The following PNISR variants were observed in gnomAD, a reference collection of about 807,000 sequenced individuals.
PNISR encodes the protein arginine/serine-rich protein PNISR.
A neutral mutation model predicts 93.4 loss-of-function variants in PNISR; 20 were observed. That is an observed-to-expected ratio of 0.21 (90% confidence interval 0.15 to 0.31). The LOEUF (loss-of-function observed/expected upper bound fraction) is 0.31, where lower values mean the gene tolerates loss of function less well. Ranked by LOEUF, PNISR falls within the 10% of genes least tolerant of loss-of-function variation. PNISR has a pLI of 1.00. For synonymous variants in PNISR, 305 were observed against 306.5 expected (o/e 0.99, Z 0.05); for missense variants, 893 against 985.4 (o/e 0.91, Z 1.25).
chr6:99,419,170 A>AGGC, intron 1 of PNISR, among the ~76,000 whole-genome samples: 1 of 142,492 alleles, frequency 7.0e-6, no homozygotes, highest in South Asian at 2.3e-4. Flanking sequence ...AAAAAAAAAA[A>AGGC]AAAAAAAAAA....
At chr6:99,404,334 G>A in intron 9 of PNISR, 1 of 448,126 alleles carries the variant, frequency 2.2e-6, no homozygotes, top group Non-Finnish European at 4.1e-6. Flanking sequence ...AAAATCAGGT[G>A]AAATAAACTG....
chr6:99,416,183 C>T, intron 2 of PNISR, 166 bp downstream of exon 2: 1 of 386,584 alleles, frequency 2.6e-6, no homozygotes, highest in Admixed American at 4.5e-5. Context: ...TTCCTTCTTC[C>T]TCCCCTTTTT....
At chr6:99,418,472 A>G (rs1043345115) in intron 1 of PNISR, among the ~76,000 whole-genome samples, 1 of 151,152 alleles carries the variant, frequency 6.6e-6, no homozygotes, top group Non-Finnish European at 1.5e-5. Flanking sequence ...AAGTTTTCCT[A>G]TGAACAGAGG....
chr6:99,408,231 T>C lies in PNISR; in HGVS notation c.714A>G (p.Glu238=), dbSNP rs761045729. The stretch of plus-strand genomic sequence containing the variant: ...TTTCACGTTCCATTTTTTCAAGACC[T>C]TCGCGAATCCAAGCGGGAAGAGTCC... The part of the protein sequence containing the change: ...KRRTLPAWIR[E]GLEKMEREKQ... The change falls in exon 7 of 12, where the codon GAA becomes GAG. Residue 238 remains glutamate (E), a synonymous_variant. Transcript: ENST00000369239. 41 of 1,613,600 alleles carry C rather than the reference T, an allele frequency of 2.5e-5. No homozygotes were observed. Among genetic ancestry groups the C allele is most frequent in the Admixed American group, 2.2e-4 (13 of 59,922 alleles).
In PNISR at chr6:99,403,671, A is replaced by C. The variant is rs1775798881; in HGVS notation, c.1156+158T>G. ...CTCACTGTGAATGCGTTAGTCAAAA[A>C]AATAGGCAAACCTTTTTAGACAGGA... On this transcript the variant is annotated intron_variant, in intron 10 of 11. Transcript: ENST00000369239. The C allele has an allele frequency of 8.4e-6, 4 of 474,574 alleles. No individual in the cohort carries two copies. In the Admixed American group the frequency reaches 1.6e-4, roughly 18 times the overall value. 29.4% of individuals were successfully genotyped at this position (474,574 alleles called of 1,614,324 possible).
chr6:99,408,102 A>C lies in PNISR; in HGVS notation c.843T>G (p.Arg281=). Reference sequence around the variant, plus strand: ...TTACAAATTTACTTCTCTGAGGTAAACGAGGGCCATCCCCTCCTTCAGCAT... The same window carrying C: ...TTACAAATTTACTTCTCTGAGGTAACCGAGGGCCATCCCCTCCTTCAGCAT... The part of the protein sequence containing the change: ...TEDAEGGDGP[R]LPQRSKFDSD... The change falls in exon 7 of 12, where the codon CGT becomes CGG. Residue 281 remains arginine (R), a synonymous_variant. Coordinates refer to ENST00000369239, the MANE Select transcript of PNISR (RefSeq NM_032870.4). 1 of 1,603,196 alleles carries C rather than the reference A, an allele frequency of 6.2e-7. No homozygotes were observed. Among genetic ancestry groups the C allele is most frequent in the Non-Finnish European group, 8.5e-7 (1 of 1,176,652 alleles).
chr6:99,416,552 T>C (rs989932226), intron 1 of PNISR, 124 bp from the exon 2 acceptor site: 3 of 395,382 alleles, frequency 7.6e-6, no homozygotes, highest in African/African-American at 6.2e-5. Context: ...ATTAACTTTA[T>C]AATGGGGAAT....
chr6:99,413,076 T>C (rs1427569638), intron 3 of PNISR, among the ~76,000 whole-genome samples: 3 of 125,070 alleles, frequency 2.4e-5, no homozygotes, highest in African/African-American at 8.9e-5. Flanking sequence ...ACTGAATTTT[T>C]AAATGTCATC....
intron 1 of PNISR, among the ~76,000 whole-genome samples, chr6:99,422,695 G>A (rs1027890023): frequency 6.6e-6 from 1 of 151,980 alleles, no homozygotes; most frequent in Non-Finnish European, 1.5e-5. Context: ...CCAACATGGC[G>A]AAACCTCCAC....
chr6:99,421,004 C>CA, intron 1 of PNISR, among the ~76,000 whole-genome samples: 1 of 152,098 alleles, frequency 6.6e-6, no homozygotes, highest in East Asian at 1.9e-4. Flanking sequence ...AATGTTCAAC[C>CA]ATGAAAATGA....
intron 11 of PNISR, among the ~76,000 whole-genome samples, 175 bp from the exon 12 acceptor site, chr6:99,401,805 C>T (rs1416846270): frequency 6.6e-6 from 1 of 152,060 alleles, no homozygotes; most frequent in Admixed American, 6.5e-5. Flanking sequence ...TAAAAAGAAA[C>T]AGGTAAAATA....
intron 11 of PNISR, 96 bp downstream of exon 11, chr6:99,402,444 T>G: frequency 1.1e-6 from 1 of 914,852 alleles, no homozygotes; most frequent in Non-Finnish European, 1.6e-6. Flanking sequence ...ATTTATAATA[T>G]AGCCTTTATT....
At position 99,401,242 on chromosome 6, in the gene PNISR, C is replaced by A. The variant is rs755040225; in HGVS notation, c.1716G>T (p.Arg572Ser). Residue 572 changes from arginine to serine, a missense_variant, in exon 12 of 12, where the codon AGG (arginine) becomes AGT (serine). Physicochemically the swap from Arg to Ser is moderately radical, Grantham distance 110. Transcript: ENST00000369239. ...TAATTCTGCGAGAATAGCTTCTACT[C>A]CTGCTACGTCTAGCTTTGATTGTTG... Reference protein sequence around the residue: ...RSPTIKARRSRSRSYSRRIKI... With the variant: ...RSPTIKARRSSSRSYSRRIKI... The A allele has an allele frequency of 6.2e-7, 1 of 1,614,052 alleles. No homozygotes were observed. Among genetic ancestry groups the A allele is most frequent in the East Asian group, 2.2e-5 (1 of 44,886 alleles).
intron 3 of PNISR, among the ~76,000 whole-genome samples, chr6:99,413,322 C>T (rs1777208039): frequency 6.6e-6 from 1 of 152,064 alleles, no homozygotes; most frequent in African/African-American, 2.4e-5. Flanking sequence ...ACTCAAAATT[C>T]ATTTCCCCAC....
chr6:99,416,111 A>G (rs561489704), intron 2 of PNISR: 2 of 310,314 alleles, frequency 6.4e-6, no homozygotes, highest in Admixed American at 9.9e-5. Flanking sequence ...AAATGAGGCC[A>G]ACAACTGGTT....
intron 11 of PNISR, 69 bp from the exon 12 acceptor site, chr6:99,401,699 G>C: frequency 8.2e-7 from 1 of 1,222,850 alleles, no homozygotes; most frequent in Non-Finnish European, 1.1e-6. Context: ...CAAATGTCAA[G>C]CTACCAGACT....
intron 1 of PNISR, among the ~76,000 whole-genome samples, chr6:99,422,562 T>C (rs1778703842): frequency 6.6e-6 from 1 of 152,176 alleles, no homozygotes; most frequent in Non-Finnish European, 1.5e-5. Flanking sequence ...ACTTGCAGCT[T>C]GTAGCTCAAA....
In PNISR at chr6:99,414,480, T is replaced by C. The variant is rs954594167; in HGVS notation, c.88+92A>G. 21 of 598,114 alleles carry C rather than the reference T, an allele frequency of 3.5e-5. No individual in the cohort carries two copies. In the African/African-American group the frequency reaches 3.5e-4, roughly 10 times the overall value. 37.1% of individuals were successfully genotyped at this position (598,114 alleles called of 1,614,324 possible). A position where few individuals can be genotyped will look rare whatever the true frequency, so the allele number is the denominator to read the frequency against. Reference sequence around the variant, plus strand: ...ACCATAAAATGATCCAGTACACCAATCTCAATTCCATATCCCTTAATCCCA... The same window carrying C: ...ACCATAAAATGATCCAGTACACCAACCTCAATTCCATATCCCTTAATCCCA... On this transcript the variant is annotated intron_variant, in intron 3 of 11. Transcript: ENST00000369239.
chr6:99,414,761 A>T (rs1451441952), intron 2 of PNISR, 71 bp from the exon 3 acceptor site: 1 of 639,826 alleles, frequency 1.6e-6, no homozygotes, highest in Non-Finnish European at 2.6e-6. Flanking sequence ...ATCAGAAATT[A>T]TTATATGATG....
Sources: gnomAD v4.1 joint callset for allele counts (sites outside exome capture counted in the v4.1 genomes callset) on GRCh38, gnomAD v4.1.1 for gene constraint, MANE v1.5 for transcripts, NCBI Gene and HGNC (gene_info 2026-07-23, HGNC 2026-07-21) for gene names.